Variants in MPZL1 observed in about 807,000 individuals in gnomAD.
MPZL1 encodes myelin protein zero like 1.
A neutral mutation model predicts 29.3 loss-of-function variants in MPZL1; 16 were observed. The ratio of observed to expected loss-of-function variants is 0.55; its 90% CI spans 0.37 to 0.83. The LOEUF is 0.83. Ranked by LOEUF, MPZL1 falls within the 40% of genes least tolerant of loss-of-function variation. The pLI is 0.00. For missense variants in MPZL1, 279 were observed against 332.9 expected, an observed-to-expected ratio of 0.84 and a Z score of 1.26; for synonymous variants, 143 against 132.0, an observed-to-expected ratio of 1.08 and a Z score of -0.57.
At chr1:167,767,494 A>C (rs78264830) in intron 2 of MPZL1, among the ~76,000 whole-genome samples, 1 of 152,210 alleles carries the variant, frequency 6.6e-6, no homozygotes, top group Non-Finnish European at 1.5e-5. Context: ...TATTAAGAAC[A>C]TGCTGTAATT....
intron 2 of MPZL1, among the ~76,000 whole-genome samples, chr1:167,768,294 T>C (rs776938859): frequency 2.0e-4 from 30 of 152,220 alleles, no homozygotes; most frequent in Admixed American, 8.5e-4. Flanking sequence ...ACTTCCAGTT[T>C]AGTAAAAATG....
At chr1:167,784,638 G>C (rs6661690) in intron 5 of MPZL1, among the ~76,000 whole-genome samples, 4 of 152,076 alleles carry the variant, frequency 2.6e-5, no homozygotes, top group Admixed American at 2.6e-4. Flanking sequence ...ACTTCATAGA[G>C]GTGTTCTAGA....
At chr1:167,741,065 C>T (rs1303517780) in intron 1 of MPZL1, among the ~76,000 whole-genome samples, 1 of 152,150 alleles carries the variant, frequency 6.6e-6, no homozygotes, top group Non-Finnish European at 1.5e-5. Flanking sequence ...CACCCAGACT[C>T]AAGTGCAGTA....
At chr1:167,775,506 C>T (rs1330402315) in intron 4 of MPZL1, among the ~76,000 whole-genome samples, 1 of 152,124 alleles carries the variant, frequency 6.6e-6, no homozygotes, top group East Asian at 1.9e-4. Flanking sequence ...ATTTCTCATT[C>T]ATGACTTCCT....
At chr1:167,783,513 T>C (rs1661534943) in intron 5 of MPZL1, among the ~76,000 whole-genome samples, 1 of 152,248 alleles carries the variant, frequency 6.6e-6, no homozygotes. Context: ...GGAATATTTA[T>C]GTATTTGTCA....
intron 2 of MPZL1, 140 bp from the exon 3 acceptor site, chr1:167,772,135 G>A (rs79359480): frequency 0.015 from 10,936 of 706,826 alleles, 156 homozygotes; most frequent in Non-Finnish European, 0.022. Flanking sequence ...AGGAGAGAGA[G>A]GGGGAGAGGG....
At chr1:167,738,405 A>G (rs1289234115) in intron 1 of MPZL1, among the ~76,000 whole-genome samples, 2 of 152,200 alleles carry the variant, frequency 1.3e-5, no homozygotes, top group Admixed American at 1.3e-4. Context: ...ATAGTGATAC[A>G]AATAAGATGT....
intron 2 of MPZL1, among the ~76,000 whole-genome samples, chr1:167,770,259 T>C (rs945399450): frequency 2.0e-5 from 3 of 152,212 alleles, no homozygotes; most frequent in Non-Finnish European, 4.4e-5. Flanking sequence ...AGCTGGTTTC[T>C]ATCCCCAGCT....
In MPZL1 at chr1:167,790,055, C is replaced by T. The variant is rs988554668; in HGVS notation, c.*2134C>T. 2 of 152,182 alleles carry T rather than the reference C, an allele frequency of 1.3e-5. No individual in the cohort carries two copies. The highest frequency in any genetic ancestry group is 4.8e-5 in the African/African-American group (2 of 41,434). 9.4% of individuals were successfully genotyped at this position (152,182 alleles called of 1,614,324 possible). A position where few individuals can be genotyped will look rare whatever the true frequency, so the allele number is the denominator to read the frequency against. On this transcript the variant is annotated 3_prime_UTR_variant, in exon 6 of 6. Coordinates refer to ENST00000359523, the MANE Select transcript of MPZL1 (RefSeq NM_003953.6). ...CAGAGGACACACATTGTAGACAGGC[C>T]TGTGTCATGTTTCCTTACAGTCGTT... is the stretch of plus-strand genomic sequence containing the variant.
chr1:167,739,690 A>G (rs1474160483), intron 1 of MPZL1, among the ~76,000 whole-genome samples: 1 of 152,010 alleles, frequency 6.6e-6, no homozygotes, highest in Non-Finnish European at 1.5e-5. Context: ...ATAGCTAGAG[A>G]ACTTTTGTTT....
chr1:167,781,945 CTT>C (rs1661506226), intron 5 of MPZL1, among the ~76,000 whole-genome samples: 1 of 152,076 alleles, frequency 6.6e-6, no homozygotes, highest in Non-Finnish European at 1.5e-5. Flanking sequence ...GTCACAATCT[CTT>C]TGAATTTTTC....
At chr1:167,731,800 C>T (rs1408943674) in intron 1 of MPZL1, among the ~76,000 whole-genome samples, 15 of 151,422 alleles carry the variant, frequency 9.9e-5, no homozygotes, top group Non-Finnish European at 2.2e-4. Context: ...AGGAGGATCA[C>T]TTGAGGCCAG....
At chr1:167,744,907 G>A (rs1389497811) in intron 1 of MPZL1, among the ~76,000 whole-genome samples, 5 of 152,134 alleles carry the variant, frequency 3.3e-5, no homozygotes, top group African/African-American at 4.8e-5. Flanking sequence ...CCGCAGAGGC[G>A]GATGGATCCA....
At chr1:167,729,809 TA>T (rs1242450951) in intron 1 of MPZL1, among the ~76,000 whole-genome samples, 6 of 152,248 alleles carry the variant, frequency 3.9e-5, no homozygotes, top group African/African-American at 1.4e-4. Flanking sequence ...ACGCCTTTGC[TA>T]AACGATTTAC....
At chr1:167,743,060 G>A (rs1047130423) in intron 1 of MPZL1, among the ~76,000 whole-genome samples, 5 of 151,930 alleles carry the variant, frequency 3.3e-5, no homozygotes, top group African/African-American at 1.2e-4. Context: ...TTTGAAATCA[G>A]GTAATGTGAT....
At chr1:167,784,690 C>A (rs1293602013) in intron 5 of MPZL1, among the ~76,000 whole-genome samples, 1 of 152,232 alleles carries the variant, frequency 6.6e-6, no homozygotes, top group Admixed American at 6.5e-5. Flanking sequence ...CAACCTACAT[C>A]TGCAGTTTCT....
At chr1:167,774,650 TC>T (rs1416186267) in intron 4 of MPZL1, 2 of 152,204 alleles carry the variant, frequency 1.3e-5, no homozygotes. Context: ...AGGAAAGAGT[TC>T]CTTAGACTCC....
At chr1:167,784,859 G>C (rs1661562277) in intron 5 of MPZL1, among the ~76,000 whole-genome samples, 1 of 152,182 alleles carries the variant, frequency 6.6e-6, no homozygotes, top group Non-Finnish European at 1.5e-5. Flanking sequence ...AGAATACCAA[G>C]TCCATCAGCA....
intron 1 of MPZL1, among the ~76,000 whole-genome samples, chr1:167,749,764 A>G (rs1323890345): frequency 6.6e-6 from 1 of 152,238 alleles, no homozygotes; most frequent in Non-Finnish European, 1.5e-5. Flanking sequence ...ATTTTCATCT[A>G]TAAAATGAAC....
Sources: gnomAD v4.1 joint callset for allele counts (sites outside exome capture counted in the v4.1 genomes callset) on GRCh38, gnomAD v4.1.1 for gene constraint, MANE v1.5 for transcripts, NCBI Gene and HGNC (gene_info 2026-07-23, HGNC 2026-07-21) for gene names.